Variants in MEF2D observed in about 807,000 individuals in gnomAD.
The protein encoded by MEF2D is myocyte-specific enhancer factor 2D.
In MEF2D, 10 loss-of-function variants were observed where a neutral mutation model predicts 59.3. The ratio of observed to expected loss-of-function variants is 0.17; its 90% confidence interval spans 0.10 to 0.29. MEF2D has a LOEUF of 0.29. Ranked by LOEUF, MEF2D falls within the 10% of genes least tolerant of loss-of-function variation. The pLI is 1.00. For missense variants in MEF2D, 508 were observed against 699.4 expected, an observed-to-expected ratio of 0.73 and a Z score of 3.09; for synonymous variants, 305 against 295.0, an observed-to-expected ratio of 1.03 and a Z score of -0.35.
rs971437308 is a variant in MEF2D, at chr1:156,500,734, A to G, written c.-387T>C. On this transcript the variant is annotated 5_prime_UTR_variant, in exon 1 of 12. Transcript: ENST00000348159. ...GCCTGAGCCGCCTCGGCTGTTGTTG[A>G]TATTTTGCTTCCTTCCTCCTTTCGG... The G allele has an allele frequency of 2.6e-5, 4 of 151,988 alleles. No homozygotes were observed. In the East Asian group the frequency reaches 7.7e-4, roughly 29 times the overall value. 9.4% of individuals were successfully genotyped at this position (151,988 alleles called of 1,614,324 possible).
chr1:156,467,540 G>T lies in MEF2D; in HGVS notation c.*105C>A. 1.3e-6 allele frequency: 1 copy of T among 771,978 alleles called. No individual in the cohort carries two copies. Among genetic ancestry groups the T allele is most frequent in the Non-Finnish European group, 1.9e-6 (1 of 528,230 alleles). 47.8% of individuals were successfully genotyped at this position (771,978 alleles called of 1,614,324 possible). On this transcript the variant is annotated 3_prime_UTR_variant, in exon 12 of 12. Transcript: ENST00000348159. ...ACCGTCAACAGGACACGAAGCACAA[G>T]AAAGGAAGTGGGGGTCGAGCGGGAG... is the stretch of plus-strand genomic sequence containing the variant.
At chr1:156,495,034 C>T (rs913525627) in intron 1 of MEF2D, among the ~76,000 whole-genome samples, 1 of 152,190 alleles carries the variant, frequency 6.6e-6, no homozygotes, top group Non-Finnish European at 1.5e-5. Flanking sequence ...TCATTCATCC[C>T]ATGCGGCAGC....
intron 4 of MEF2D, among the ~76,000 whole-genome samples, chr1:156,480,376 T>A (rs1407088067): frequency 1.3e-5 from 2 of 152,110 alleles, no homozygotes; most frequent in African/African-American, 4.8e-5. Flanking sequence ...AAGAGCACAC[T>A]CCACTTTGCT....
chr1:156,476,219 A>G (rs1412498935), intron 8 of MEF2D, among the ~76,000 whole-genome samples: 1 of 152,190 alleles, frequency 6.6e-6, no homozygotes, highest in Admixed American at 6.5e-5. Flanking sequence ...GCACACGTAC[A>G]TACAGAGAAA....
rs6669167 is a variant in MEF2D at position 156,471,419 on chromosome 1, G to A, written c.1007-2399C>T. The stretch of plus-strand genomic sequence containing the variant: ...GCTGGGATTACAGGTGTGAGCCACC[G>A]CGCCCGGCCAGAATCAACTATTTCT... On this transcript the variant is annotated intron_variant, in intron 9 of 11. Coordinates refer to ENST00000348159, the MANE Select transcript of MEF2D (RefSeq NM_005920.4). Among the ~76,000 whole-genome samples, 690 of 152,278 alleles carry A rather than the reference G, an allele frequency of 4.5e-3. 5 individuals are homozygous for A. Among genetic ancestry groups the A allele is most frequent in the African/African-American group, 0.016 (674 of 41,540 alleles).
intron 3 of MEF2D, among the ~76,000 whole-genome samples, chr1:156,481,344 T>C (rs57553165): frequency 1.4e-3 from 214 of 152,116 alleles, no homozygotes; most frequent in African/African-American, 5.0e-3. Context: ...GACCACCCTG[T>C]GGTAAGCCCT....
intron 1 of MEF2D, among the ~76,000 whole-genome samples, chr1:156,491,000 T>C (rs1329811871): frequency 6.6e-6 from 1 of 152,156 alleles, no homozygotes; most frequent in Non-Finnish European, 1.5e-5. Flanking sequence ...CTTCCCCTTA[T>C]GGCCTCTGGG....
intron 1 of MEF2D, among the ~76,000 whole-genome samples, chr1:156,491,311 C>T (rs561582748): frequency 6.6e-6 from 1 of 152,330 alleles, no homozygotes; most frequent in South Asian, 2.1e-4. Context: ...AAATGCCCTT[C>T]TGGCCCAAAC....
Position 156,482,559 on chromosome 1 carries a change from T to G in MEF2D, c.136A>C (p.Ile46Leu). ...SVLCDCEIAL[I>L]IFNHSNKLFQ... Reference sequence around the variant, plus strand: ...AGCTTGTTGGAGTGGTTGAAGATGATGAGTGCGATCTCGCAGTCACATAGC... The same window carrying G: ...AGCTTGTTGGAGTGGTTGAAGATGAGGAGTGCGATCTCGCAGTCACATAGC... Residue 46 changes from isoleucine to leucine, a missense_variant, in exon 3 of 12, where the codon ATC (isoleucine) becomes CTC (leucine). Ile to Leu is a conservative substitution (Grantham distance 5). Transcript: ENST00000348159. 1 of 1,614,236 alleles carries G rather than the reference T, an allele frequency of 6.2e-7. No homozygotes were observed. Among genetic ancestry groups the G allele is most frequent in the Non-Finnish European group, 8.5e-7 (1 of 1,180,038 alleles).
intron 1 of MEF2D, among the ~76,000 whole-genome samples, chr1:156,488,382 C>G (rs1419566880): frequency 2.0e-5 from 3 of 152,184 alleles, no homozygotes; most frequent in African/African-American, 7.2e-5. Flanking sequence ...CAGGCACAAA[C>G]TCACCAACTG....
At chr1:156,473,893 GCCC>G (rs1671401853) in intron 9 of MEF2D, among the ~76,000 whole-genome samples, 1 of 152,072 alleles carries the variant, frequency 6.6e-6, no homozygotes, top group Non-Finnish European at 1.5e-5. Flanking sequence ...TTGCCCTGGA[GCCC>G]CCATTTGGCT....
At position 156,479,656 on chromosome 1, in the gene MEF2D, C is replaced by G; in HGVS notation, c.537G>C (p.Leu179=). 6.4e-7 allele frequency: 1 copy of G among 1,552,284 alleles called. No homozygotes were observed. The highest frequency in any genetic ancestry group is 1.4e-5 in the African/African-American group (1 of 73,226). ...VTSSLTDPRL[L]SPQQPALQRN... ...TCTGTAGTGCTGGCTGCTGGGGGGACAGGAGCCGCGGGTCCGTGAGGGATG... is the reference window on the plus strand; with the variant it reads ...TCTGTAGTGCTGGCTGCTGGGGGGAGAGGAGCCGCGGGTCCGTGAGGGATG... Residue 179 remains leucine, a synonymous_variant, in exon 5 of 12, where the codon CTG becomes CTC. Coordinates refer to ENST00000348159, the MANE Select transcript of MEF2D (RefSeq NM_005920.4).
chr1:156,468,350 G>T lies in MEF2D; in HGVS notation c.1248-51C>A. 1 of 1,339,470 alleles carries T rather than the reference G, an allele frequency of 7.5e-7. No individual in the cohort carries two copies. The highest frequency in any genetic ancestry group is 1.0e-6 in the Non-Finnish European group (1 of 975,706). The allele number at this position is 1,339,470 out of a possible 1,614,324, so 83.0% of individuals were successfully genotyped here. ...TACAAGGGATAAAAACAGAGGGGGT[G>T]AGTGACAGAACAAGTGATAGGACAC... On this transcript the variant is annotated intron_variant, in intron 10 of 11. Coordinates refer to ENST00000348159, the MANE Select transcript of MEF2D (RefSeq NM_005920.4). The surrounding 1 kb of genome is among the most constrained non-coding windows in gnomAD (Gnocchi z 4.3).
chr1:156,488,223 A>G (rs1672499977), intron 1 of MEF2D, among the ~76,000 whole-genome samples: 2 of 152,150 alleles, frequency 1.3e-5, no homozygotes, highest in African/African-American at 4.8e-5. Context: ...GACATGGGAG[A>G]AGCAAAGATG....
intron 9 of MEF2D, among the ~76,000 whole-genome samples, chr1:156,470,505 C>T (rs1393883584): frequency 6.6e-6 from 1 of 152,084 alleles, no homozygotes; most frequent in African/African-American, 2.4e-5. Flanking sequence ...ATAGGGAACG[C>T]ACCCCTCAAT....
intron 1 of MEF2D, among the ~76,000 whole-genome samples, chr1:156,496,731 C>A (rs1439360710): frequency 1.3e-5 from 2 of 152,172 alleles, no homozygotes; most frequent in African/African-American, 2.4e-5. Context: ...GTCTACATAC[C>A]AGTGTGTATG....
intron 7 of MEF2D, 54 bp downstream of exon 7, chr1:156,476,957 CT>C: frequency 6.2e-7 from 1 of 1,600,652 alleles, no homozygotes; most frequent in Non-Finnish European, 8.5e-7. Flanking sequence ...GCTCTTTCCC[CT>C]GTCCCTACTC....
chr1:156,469,449 G>T (rs1192719164), intron 9 of MEF2D, among the ~76,000 whole-genome samples: 1 of 152,034 alleles, frequency 6.6e-6, no homozygotes, highest in African/African-American at 2.4e-5. Context: ...GTAGAGATGG[G>T]GTTTTGCTAT....
chr1:156,469,180 G>A (rs1255948618), intron 9 of MEF2D, among the ~76,000 whole-genome samples, 160 bp from the exon 10 acceptor site: 1 of 152,200 alleles, frequency 6.6e-6, no homozygotes, highest in Non-Finnish European at 1.5e-5. Flanking sequence ...AGTGAAGACG[G>A]TACTCAGAGT....
Sources: gnomAD v4.1 joint callset for allele counts (sites outside exome capture counted in the v4.1 genomes callset) on GRCh38, gnomAD v4.1.1 for gene constraint, Gnocchi (gnomAD v3.1) non-coding constraint, MANE v1.5 for transcripts, NCBI Gene and HGNC (gene_info 2026-07-23, HGNC 2026-07-21) for gene names.